IMMP2L: variants seen among roughly 807,000 people sequenced by gnomAD.
The protein encoded by IMMP2L is inner mitochondrial membrane peptidase subunit 2.
A neutral mutation model predicts 19.3 loss-of-function variants in IMMP2L; 18 were observed. The observed-to-expected ratio is 0.93, with a 90% CI of 0.64 to 1.38. The LOEUF (loss-of-function observed/expected upper bound fraction) is 1.38, where lower values mean the gene tolerates loss of function less well. Among genes scored for constraint, IMMP2L ranks in the 40% most tolerant of loss-of-function variants. IMMP2L has a pLI of 0.00. For missense variants in IMMP2L, 233 were observed against 218.2 expected (o/e 1.07, Z -0.43); for synonymous variants, 76 against 73.0 (o/e 1.04, Z -0.21).
intron 5 of IMMP2L, among the ~76,000 whole-genome samples, chr7:110,871,943 C>T (rs1808579665): frequency 6.6e-6 from 1 of 152,050 alleles, no homozygotes; most frequent in Admixed American, 6.6e-5. Context: ...TATTTAATTA[C>T]TTAACAAAGA....
At chr7:110,779,207 A>G (rs985730211) in intron 5 of IMMP2L, among the ~76,000 whole-genome samples, 4 of 151,952 alleles carry the variant, frequency 2.6e-5, no homozygotes, top group Non-Finnish European at 5.9e-5. Flanking sequence ...ACTTTACAAC[A>G]GTCTGATATA....
At position 111,206,971 on chromosome 7, in the gene IMMP2L, G is replaced by A. The variant is rs186269954; in HGVS notation, c.240-243406C>T. Among the ~76,000 whole-genome samples, 67 of 152,184 alleles carry A rather than the reference G, an allele frequency of 4.4e-4. No individual in the cohort carries two copies. The East Asian group carries it at 7.3e-3, about 17-fold the overall frequency. The stretch of plus-strand genomic sequence containing the variant: ...AAGACCAGAAATTGCCATTTATCAC[G>A]CTTCAACTCTTTCTGAATAAAAAAT... On this transcript the variant is annotated intron_variant, in intron 3 of 5. Coordinates refer to ENST00000405709, the MANE Select transcript of IMMP2L (RefSeq NM_032549.4).
Position 111,415,479 on chromosome 7 carries a change from A to C in IMMP2L, c.239+71759T>G, listed in dbSNP as rs150232848. ...TTACAAGCCACTAAGTTTGTGGCTTATTAAACAGCAATAGAAAACTAATAC... is the reference window on the plus strand; with the variant it reads ...TTACAAGCCACTAAGTTTGTGGCTTCTTAAACAGCAATAGAAAACTAATAC... On this transcript the variant is annotated intron_variant, in intron 3 of 5. Transcript: ENST00000405709. Among the ~76,000 whole-genome samples the C allele has an allele frequency of 8.6e-4, 130 of 152,012 alleles. 5 individuals are homozygous for C. Among genetic ancestry groups the C allele is most frequent in the African/African-American group, 3.0e-3 (122 of 41,302 alleles).
intron 5 of IMMP2L, among the ~76,000 whole-genome samples, chr7:110,734,719 TCAAACAAA>T (rs139346353): frequency 7.4e-5 from 11 of 149,130 alleles, no homozygotes; most frequent in Admixed American, 5.3e-4. Flanking sequence ...TTAATTTGTT[TCAAACAAA>T]CAAACAAACA....
At chr7:111,087,707 C>T (rs974351473) in intron 3 of IMMP2L, among the ~76,000 whole-genome samples, 2 of 151,866 alleles carry the variant, frequency 1.3e-5, no homozygotes, top group African/African-American at 4.8e-5. Flanking sequence ...GGTAAAATTA[C>T]AGAAACAATT....
chr7:111,210,052 T>C (rs911977276), intron 3 of IMMP2L, among the ~76,000 whole-genome samples: 2 of 152,194 alleles, frequency 1.3e-5, no homozygotes, highest in African/African-American at 4.8e-5. Flanking sequence ...TCCTTTTAGC[T>C]GAGCCTTTGC....
chr7:111,041,804 G>A (rs371161618), intron 3 of IMMP2L, among the ~76,000 whole-genome samples: 37 of 152,196 alleles, frequency 2.4e-4, no homozygotes, highest in East Asian at 1.4e-3. Context: ...CAGGTGTCCC[G>A]CATATAGTAC....
At chr7:111,324,446 A>T (rs1445450664) in intron 3 of IMMP2L, among the ~76,000 whole-genome samples, 1 of 151,984 alleles carries the variant, frequency 6.6e-6, no homozygotes, top group Non-Finnish European at 1.5e-5. Flanking sequence ...AAGTAAAACT[A>T]ATTAGTCAAC....
intron 4 of IMMP2L, among the ~76,000 whole-genome samples, chr7:110,957,054 G>T (rs1818426503): frequency 6.6e-6 from 1 of 151,954 alleles, no homozygotes; most frequent in South Asian, 2.1e-4. Flanking sequence ...ACTGTTTGAT[G>T]TTATAGATAA....
At chr7:111,170,628 G>A (rs550941495) in intron 3 of IMMP2L, among the ~76,000 whole-genome samples, 19 of 151,852 alleles carry the variant, frequency 1.3e-4, no homozygotes, top group Admixed American at 1.1e-3. Context: ...CCTACAAATC[G>A]ACACATCTCC....
chr7:111,445,752 G>C (rs554234861), intron 3 of IMMP2L, among the ~76,000 whole-genome samples: 13 of 152,334 alleles, frequency 8.5e-5, no homozygotes, highest in South Asian at 4.1e-4. Context: ...CCCAGCGTGA[G>C]TGACGCAGAA....
At chr7:111,109,507 A>G (rs1798941099) in intron 3 of IMMP2L, among the ~76,000 whole-genome samples, 1 of 152,172 alleles carries the variant, frequency 6.6e-6, no homozygotes, top group South Asian at 2.1e-4. Flanking sequence ...AATCAAGTAC[A>G]TATATATCTG....
At chr7:111,064,321 G>C (rs765069772) in intron 3 of IMMP2L, among the ~76,000 whole-genome samples, 1 of 152,090 alleles carries the variant, frequency 6.6e-6, no homozygotes, top group Non-Finnish European at 1.5e-5. Context: ...AATGAGATTT[G>C]GGTGAGGACA....
intron 3 of IMMP2L, among the ~76,000 whole-genome samples, chr7:111,116,903 G>A (rs4730478): frequency 0.71 from 107,974 of 151,978 alleles, 40,882 homozygotes; most frequent in Non-Finnish European, 0.83. Context: ...TAGTGGTTAA[G>A]ACTGAGCTTT....
intron 5 of IMMP2L, among the ~76,000 whole-genome samples, chr7:110,861,257 T>A (rs1389038747): frequency 1.3e-5 from 2 of 152,028 alleles, no homozygotes; most frequent in Non-Finnish European, 2.9e-5. Context: ...TTTCCATTAA[T>A]ATAATGCTTT....
rs558390117 is a variant in IMMP2L at position 111,235,032 on chromosome 7, A to G, written c.239+252206T>C. Reference sequence around the variant, plus strand: ...TTTATATAGTCCAGGTTTCTAACTGATAACATTTTTCTTCTGTCTGAAGAA... The same window carrying G: ...TTTATATAGTCCAGGTTTCTAACTGGTAACATTTTTCTTCTGTCTGAAGAA... On this transcript the variant is annotated intron_variant, in intron 3 of 5. Transcript: ENST00000405709. Among the ~76,000 whole-genome samples, 11 of 152,240 alleles carry G rather than the reference A, an allele frequency of 7.2e-5. No individual in the cohort carries two copies. The South Asian group carries it at 2.1e-3, about 29-fold the overall frequency.
chr7:110,821,153 C>A (rs1268127911), intron 5 of IMMP2L, among the ~76,000 whole-genome samples: 2 of 151,960 alleles, frequency 1.3e-5, no homozygotes, highest in African/African-American at 4.8e-5. Context: ...TCATTTAACT[C>A]TTCCCAACAA....
chr7:110,753,753 G>T (rs10267916), intron 5 of IMMP2L, among the ~76,000 whole-genome samples: 104,009 of 147,028 alleles, frequency 0.71, 39,752 homozygotes, highest in East Asian at 0.88. Flanking sequence ...GTGAGTGTGG[G>T]GTGTGTGTGT....
chr7:111,483,105 T>G (rs1842334527), intron 3 of IMMP2L, among the ~76,000 whole-genome samples: 1 of 152,194 alleles, frequency 6.6e-6, no homozygotes, highest in Admixed American at 6.5e-5. Flanking sequence ...GATGTCAATT[T>G]CCTGGTTTCA....
Sources: gnomAD v4.1 joint callset for allele counts (sites outside exome capture counted in the v4.1 genomes callset) on GRCh38, gnomAD v4.1.1 for gene constraint, MANE v1.5 for transcripts, NCBI Gene and HGNC (gene_info 2026-07-23, HGNC 2026-07-21) for gene names.